Variants in RDX observed in about 807,000 individuals in gnomAD.
The protein encoded by RDX is radixin, also known as deafness, autosomal recessive 24.
RDX carries 32 observed loss-of-function variants against 83.7 expected under a neutral mutation model. That is an observed-to-expected ratio of 0.38 (90% CI 0.29 to 0.51). RDX has a LOEUF of 0.51. Among genes scored for constraint, RDX ranks in the 20% least tolerant of loss-of-function variants. RDX has a pLI of 0.87. For missense variants in RDX, 600 were observed against 689.9 expected (o/e 0.87, Z 1.46); for synonymous variants, 229 against 222.7 (o/e 1.03, Z -0.25).
chr11:110,226,110 CA>C (rs1249241945), downstream of RDX, among the ~76,000 whole-genome samples: 1 of 150,770 alleles, frequency 6.6e-6, no homozygotes, highest in East Asian at 1.9e-4. Context: ...AACATATGAC[CA>C]AACAATTCCA....
chr11:110,246,119 C>T (rs1859096557), intron 10 of RDX, among the ~76,000 whole-genome samples: 1 of 152,142 alleles, frequency 6.6e-6, no homozygotes. Flanking sequence ...TAGCCTTAAA[C>T]TCCTGAATTT....
At position 110,296,599 on chromosome 11, in the gene RDX, G is replaced by C. The variant is rs1356094835; in HGVS notation, c.-197C>G. ...GACGAGAGGCGCCGCCGCCACCGCA[G>C]ACAGCTCCGCAATATGGCCGCTCGG... On this transcript the variant is annotated 5_prime_UTR_variant, in exon 1 of 14. Transcript: ENST00000645495. The C allele has an allele frequency of 7.3e-5, 11 of 151,006 alleles. No individual in the cohort carries two copies. Among genetic ancestry groups the C allele is most frequent in the Non-Finnish European group, 1.2e-4 (8 of 67,666 alleles). The allele number at this position is 151,006 out of a possible 1,614,324, so 9.4% of individuals were successfully genotyped here.
chr11:110,278,341 C>T (rs768690021), intron 2 of RDX, among the ~76,000 whole-genome samples: 3 of 152,000 alleles, frequency 2.0e-5, no homozygotes, highest in Admixed American at 6.6e-5. Context: ...CTGGATTCAA[C>T]TGATTGGAAC....
chr11:110,251,069 C>G (rs1376095977), intron 9 of RDX, among the ~76,000 whole-genome samples: 5 of 152,174 alleles, frequency 3.3e-5, no homozygotes, highest in Admixed American at 2.6e-4. Flanking sequence ...GAACGTATCT[C>G]TTGCTCTCTC....
intron 5 of RDX, 89 bp downstream of exon 5, chr11:110,263,868 CAAA>C (rs36094903): frequency 3.6e-4 from 354 of 993,394 alleles, no homozygotes; most frequent in East Asian, 4.3e-4. Flanking sequence ...ACCCTGTCTC[CAAA>C]AAAAAAAAAA....
intron 14 of RDX, among the ~76,000 whole-genome samples, chr11:110,212,166 C>A (rs1428826085): frequency 4.7e-5 from 7 of 150,326 alleles, no homozygotes; most frequent in African/African-American, 1.7e-4. Context: ...ACCACCGATC[C>A]CACAGAAATA....
intron 15 of RDX, among the ~76,000 whole-genome samples, chr11:110,178,898 C>T (rs890943465): frequency 2.0e-5 from 3 of 152,190 alleles, no homozygotes; most frequent in African/African-American, 7.2e-5. Flanking sequence ...TGCTGAATGC[C>T]TTCAGCCATG....
At chr11:110,232,667 C>A (rs998505762) in intron 13 of RDX, among the ~76,000 whole-genome samples, 1 of 152,094 alleles carries the variant, frequency 6.6e-6, no homozygotes, top group Non-Finnish European at 1.5e-5. Flanking sequence ...ATTGTCCAGG[C>A]TGAAGTGCAG....
In RDX at chr11:110,296,589, C is replaced by A. The variant is rs1473258458; in HGVS notation, c.-187G>T. 2.0e-5 allele frequency: 3 copies of A among 151,078 alleles called. No homozygotes were observed. Among genetic ancestry groups the A allele is most frequent in the Non-Finnish European group, 4.4e-5 (3 of 67,688 alleles). The allele number at this position is 151,078 out of a possible 1,614,324, so 9.4% of individuals were successfully genotyped here. ...GCCCGCGGGAGACGAGAGGCGCCGCCGCCACCGCAGACAGCTCCGCAATAT... is the reference window on the plus strand; with the variant it reads ...GCCCGCGGGAGACGAGAGGCGCCGCAGCCACCGCAGACAGCTCCGCAATAT... On this transcript the variant is annotated 5_prime_UTR_variant, in exon 1 of 14. Transcript: ENST00000645495.
chr11:110,296,080 CG>C (rs1203888729), intron 1 of RDX, among the ~76,000 whole-genome samples: 1 of 152,242 alleles, frequency 6.6e-6, no homozygotes, highest in Admixed American at 6.5e-5. Context: ...AGCCCGGGCC[CG>C]GGGCCCAGTC....
chr11:110,208,992 G>A (rs1863708758), intron 14 of RDX, among the ~76,000 whole-genome samples: 1 of 152,162 alleles, frequency 6.6e-6, no homozygotes. Flanking sequence ...TGCGGAAGAT[G>A]GCCGAATAGG....
intron 2 of RDX, among the ~76,000 whole-genome samples, chr11:110,278,562 T>G (rs1049505132): frequency 5.3e-5 from 8 of 152,158 alleles, no homozygotes; most frequent in Non-Finnish European, 7.4e-5. Flanking sequence ...AAAAAGGCCA[T>G]TGATTTTTTT....
chr11:110,264,638 T>A (rs561638677), intron 4 of RDX, 141 bp downstream of exon 4: 3 of 599,268 alleles, frequency 5.0e-6, no homozygotes, highest in East Asian at 2.8e-5. Context: ...TGATTGAATT[T>A]AAAAAAACAT....
intron 10 of RDX, among the ~76,000 whole-genome samples, chr11:110,242,448 A>C (rs1213654368): frequency 1.3e-5 from 2 of 151,754 alleles, no homozygotes; most frequent in African/African-American, 4.8e-5. Flanking sequence ...AAATTTAAAA[A>C]AAAAAAAATT....
chr11:110,187,570 A>G (rs1300459227), intron 15 of RDX, among the ~76,000 whole-genome samples: 1 of 151,786 alleles, frequency 6.6e-6, no homozygotes, highest in Admixed American at 6.6e-5. Context: ...GGATGCCCCC[A>G]CTCCCTGTGC....
chr11:110,263,153 T>C (rs952879424), intron 5 of RDX, among the ~76,000 whole-genome samples: 1 of 151,990 alleles, frequency 6.6e-6, no homozygotes, highest in East Asian at 1.9e-4. Context: ...CAGATGCCTG[T>C]AATCCCAGCT....
intron 14 of RDX, among the ~76,000 whole-genome samples, chr11:110,218,593 G>A (rs538331923): frequency 2.2e-4 from 34 of 152,056 alleles, no homozygotes; most frequent in Non-Finnish European, 3.8e-4. Context: ...ACCCAAACCT[G>A]CCCTCCCTCA....
chr11:110,237,628 G>A lies in RDX; in HGVS notation c.1115C>T (p.Ala372Val). Residue 372 changes from alanine to valine, a missense_variant, in exon 11 of 14, where the codon GCT becomes GTT. Coordinates refer to ENST00000645495, the MANE Select transcript of RDX (RefSeq NM_002906.4). ...QKELEEQTRKALELDQERKRA... is the reference protein window; with the variant it reads ...QKELEEQTRKVLELDQERKRA... ...TTTTCGTTCTTGATCCAGTTCTAGAGCTTTTCGAGTCTGTTCTTCTAGTTC... is the reference window on the plus strand; with the variant it reads ...TTTTCGTTCTTGATCCAGTTCTAGAACTTTTCGAGTCTGTTCTTCTAGTTC... 1 of 1,614,084 alleles carries A rather than the reference G, an allele frequency of 6.2e-7. No homozygotes were observed. Among genetic ancestry groups the A allele is most frequent in the South Asian group, 1.1e-5 (1 of 91,076 alleles).
chr11:110,246,194 C>G (rs1859099099), intron 10 of RDX, among the ~76,000 whole-genome samples: 1 of 152,152 alleles, frequency 6.6e-6, no homozygotes, highest in Non-Finnish European at 1.5e-5. Context: ...CCGCACCCAG[C>G]CTAGGTTATT....
Sources: gnomAD v4.1 joint callset for allele counts (sites outside exome capture counted in the v4.1 genomes callset) on GRCh38, gnomAD v4.1.1 for gene constraint, MANE v1.5 for transcripts, NCBI Gene and HGNC (gene_info 2026-07-23, HGNC 2026-07-21) for gene names.